The following ASTL variants were observed in gnomAD, a reference collection of about 807,000 sequenced individuals.
ASTL encodes the protein astacin-like metalloendopeptidase.
ASTL carries 27 observed loss-of-function variants against 36.7 expected under a neutral mutation model. That is an observed-to-expected ratio of 0.73 (90% CI 0.54 to 1.01). ASTL has a LOEUF of 1.01. Among genes scored for constraint, ASTL ranks in the 50% least tolerant of loss-of-function variants. ASTL has a pLI of 0.00. For missense variants in ASTL, 524 were observed against 572.8 expected (o/e 0.91, Z 0.87); for synonymous variants, 222 against 228.1 (o/e 0.97, Z 0.24).
intron 6 of ASTL, among the ~76,000 whole-genome samples, chr2:96,130,852 A>T (rs2104770128): frequency 6.6e-6 from 1 of 151,762 alleles, no homozygotes; most frequent in Admixed American, 6.5e-5. Flanking sequence ...AAAATTCATT[A>T]AACATACTTT....
At chr2:96,125,386 C>G (rs1302003388) in intron 8 of ASTL, among the ~76,000 whole-genome samples, 1 of 151,830 alleles carries the variant, frequency 6.6e-6, no homozygotes, top group Non-Finnish European at 1.5e-5. Context: ...ACATCAAGAT[C>G]CTCCTGCAGA....
At chr2:96,136,529 G>A (rs1416006869) in intron 2 of ASTL, among the ~76,000 whole-genome samples, 2 of 152,350 alleles carry the variant, frequency 1.3e-5, no homozygotes, top group Middle Eastern at 3.4e-3. Context: ...CATTGGTTCT[G>A]GTTACCTGCA....
rs1470151828 is a variant in ASTL at position 96,137,755 on chromosome 2, CCAGA to C, written c.56-59_56-56del. The C allele has an allele frequency of 1.9e-6, 3 of 1,568,488 alleles. No homozygotes were observed. The African/African-American group carries it at 4.1e-5, about 21-fold the overall frequency. On this transcript the variant is annotated intron_variant, in intron 1 of 8. Transcript: ENST00000342380. ...ATGCCTGGAGCACCCACCGGTGAGA[CCAGA>C]CAGCAGGACATGGGGTGGGTGTGGG...
Position 96,130,146 on chromosome 2 carries a change from C to T in ASTL, c.638-1G>A. On this transcript the variant is annotated splice_acceptor_variant, in intron 6 of 8. Transcript: ENST00000342380. LOFTEE classifies it high-confidence loss of function. ...GACTTGATGAAGTTGATTTCAAAGC[C>T]TAAAAATACAAAAACAATACAACTT... The T allele has an allele frequency of 6.2e-7, 1 of 1,611,786 alleles. No homozygotes were observed.
intron 2 of ASTL, 69 bp downstream of exon 2, chr2:96,137,506 G>T (rs1682324942): frequency 1.3e-6 from 2 of 1,539,450 alleles, no homozygotes; most frequent in Non-Finnish European, 1.8e-6. Context: ...ATTTCTGAGT[G>T]TTCGGTGTGG....
rs1681998478 is a variant in ASTL at position 96,123,508 on chromosome 2, G to A, written c.*342C>T. ...GGCCTCAGGCACAGGAGGGATTCCA[G>A]GGTTCTGCGGGGCTGGAACCTACCT... On this transcript the variant is annotated 3_prime_UTR_variant, in exon 9 of 9. Transcript: ENST00000342380. Among the ~76,000 whole-genome samples, 1 of 152,176 alleles carries A rather than the reference G, an allele frequency of 6.6e-6. No individual in the cohort carries two copies. The highest frequency in any genetic ancestry group is 1.5e-5 in the Non-Finnish European group (1 of 68,020).
intron 4 of ASTL, 50 bp downstream of exon 4, chr2:96,133,915 A>T (rs1381330249): frequency 1.6e-6 from 2 of 1,263,044 alleles, no homozygotes; most frequent in African/African-American, 1.5e-5. Context: ...CACCTGCCGC[A>T]TTAGGAAGAA....
In ASTL at chr2:96,137,631, A is replaced by C. The variant is rs746785099; in HGVS notation, c.125T>G (p.Leu42Arg). ...GACGTSFPDG[L>R]TPEGTQASGD... ...GGAGGCCTGGGTTCCCTCAGGGGTG[A>C]GGCCATCTGGGAAGCTGGTACCACA... Residue 42 changes from leucine (L) to arginine (R), a missense_variant, in exon 2 of 9, where the codon CTC (leucine) becomes CGC (arginine). Leu to Arg is a moderately radical substitution (Grantham distance 102). Coordinates refer to ENST00000342380, the MANE Select transcript of ASTL (RefSeq NM_001002036.4). The C allele has an allele frequency of 5.6e-6, 9 of 1,613,990 alleles. No homozygotes were observed. The South Asian group carries it at 9.9e-5, about 18-fold the overall frequency.
chr2:96,135,301 C>T (rs775232913), intron 3 of ASTL, 50 bp downstream of exon 3: 62 of 1,551,372 alleles, frequency 4.0e-5, no homozygotes, highest in Non-Finnish European at 5.2e-5. Context: ...GAGGACCTGT[C>T]GCCAACTGTG....
Position 96,129,053 on chromosome 2 carries a change from G to GA in ASTL, c.874+770dup, listed in dbSNP as rs774532084. Among the ~76,000 whole-genome samples, 224 of 146,378 alleles carry GA rather than the reference G, an allele frequency of 1.5e-3. 2 individuals are homozygous for GA. The highest frequency in any genetic ancestry group is 6.8e-3 in the Middle Eastern group (2 of 292). ...AGACTCCATCTTTAAAAAAAAAAAA[G>GA]AAAAAAAAAATCACTCTGTCAAGAT... On this transcript the variant is annotated intron_variant, in intron 8 of 8. Coordinates refer to ENST00000342380, the MANE Select transcript of ASTL (RefSeq NM_001002036.4).
At position 96,137,318 on chromosome 2, in the gene ASTL, G is replaced by C. The variant is rs557570409; in HGVS notation, c.181+257C>G. 5.9e-5 allele frequency among the ~76,000 whole-genome samples: 9 copies of C among 152,284 alleles called. No individual in the cohort carries two copies. The East Asian group carries it at 1.3e-3, about 23-fold the overall frequency. On this transcript the variant is annotated intron_variant, in intron 2 of 8. Coordinates refer to ENST00000342380, the MANE Select transcript of ASTL (RefSeq NM_001002036.4). ...AAAGAAAGAGTAGACTTAAGCAATT[G>C]CCCATAGAATTTCCACCCATTCACA...
intron 8 of ASTL, among the ~76,000 whole-genome samples, chr2:96,128,301 ATAAT>A (rs1682103694): frequency 6.6e-6 from 1 of 151,690 alleles, no homozygotes; most frequent in African/African-American, 2.4e-5. Context: ...GGACAAAGTT[ATAAT>A]TAATGTAGTT....
intron 6 of ASTL, among the ~76,000 whole-genome samples, chr2:96,131,067 T>G (rs1156722882): frequency 6.6e-6 from 1 of 152,236 alleles, no homozygotes; most frequent in Non-Finnish European, 1.5e-5. Flanking sequence ...GTTCTCATTT[T>G]TTCCACTGGG....
chr2:96,134,160 G>A (rs1332826721), intron 3 of ASTL, 102 bp from the exon 4 acceptor site: 22 of 761,806 alleles, frequency 2.9e-5, no homozygotes, highest in Non-Finnish European at 4.4e-5. Flanking sequence ...AAAGATGTGG[G>A]AGTCAGGACC....
rs1376774407 is a variant in ASTL at position 96,123,306 on chromosome 2, G to T, written c.*544C>A. Among the ~76,000 whole-genome samples the T allele has an allele frequency of 1.3e-5, 2 of 152,246 alleles. No individual in the cohort carries two copies. The highest frequency in any genetic ancestry group is 6.5e-5 in the Admixed American group (1 of 15,288). On this transcript the variant is annotated 3_prime_UTR_variant, in exon 9 of 9. Coordinates refer to ENST00000342380, the MANE Select transcript of ASTL (RefSeq NM_001002036.4). ...GACCTACCACCTTCCTGCTCTGCAG[G>T]GGAGTAAGTTGGGCTCTCAAAGCCT... is the stretch of plus-strand genomic sequence containing the variant.
chr2:96,129,750 G>GTT lies in ASTL; in HGVS notation c.874+73_874+74insAA, dbSNP rs1682129566. 4 of 1,414,576 alleles carry GTT rather than the reference G, an allele frequency of 2.8e-6. No individual in the cohort carries two copies. The South Asian group carries it at 6.2e-5, about 22-fold the overall frequency. 87.6% of individuals were successfully genotyped at this position (1,414,576 alleles called of 1,614,324 possible). On this transcript the variant is annotated intron_variant, in intron 8 of 8. Transcript: ENST00000342380. ...CCCCTGCAACCTCATCTCCCTCCTT[G>GTT]TCACCCTCCCTGACACCATTAGAGC...
At position 96,129,889 on chromosome 2, in the gene ASTL, G is replaced by C; in HGVS notation, c.809C>G (p.Ser270Trp). 6.2e-7 allele frequency: 1 copy of C among 1,604,124 alleles called. No individual in the cohort carries two copies. The highest frequency in any genetic ancestry group is 8.5e-7 in the Non-Finnish European group (1 of 1,173,068). The part of the protein sequence containing the change: ...HIGQRWNLSA[S>W]DITRVLKLYG... ...GAGTTTGAGGACCCGGGTGATGTCC[G>C]AGGCACTCAGGTTCCATCGCTGGCC... The change falls in exon 8 of 9, where the codon TCG becomes TGG. Residue 270 changes from serine (S) to tryptophan (W), a missense_variant. By Grantham distance (177) the Ser-to-Trp change is radical (BLOSUM62 -3). Coordinates refer to ENST00000342380, the MANE Select transcript of ASTL (RefSeq NM_001002036.4).
At chr2:96,135,785 G>A in intron 2 of ASTL, among the ~76,000 whole-genome samples, 1 of 152,174 alleles carries the variant, frequency 6.6e-6, no homozygotes, top group Admixed American at 6.5e-5. Flanking sequence ...GTCCCTGAGT[G>A]TGCAAGGCTT....
chr2:96,129,169 A>G (rs1233075241), intron 8 of ASTL, among the ~76,000 whole-genome samples: 3 of 152,194 alleles, frequency 2.0e-5, no homozygotes, highest in African/African-American at 7.2e-5. Context: ...ATTTATCTAT[A>G]TTTAAGTATT....
Sources: gnomAD v4.1 joint callset for allele counts (sites outside exome capture counted in the v4.1 genomes callset) on GRCh38, gnomAD v4.1.1 for gene constraint, MANE v1.5 for transcripts, NCBI Gene and HGNC (gene_info 2026-07-23, HGNC 2026-07-21) for gene names.